The following VANGL1 variants were observed in gnomAD, a reference collection of about 807,000 sequenced individuals.
VANGL1 encodes vang-like protein 1.
A neutral mutation model predicts 48.4 loss-of-function variants in VANGL1; 18 were observed. The observed-to-expected ratio is 0.37, with a 90% CI of 0.26 to 0.55. The LOEUF is 0.55. Ranked by LOEUF, VANGL1 falls within the 20% of genes least tolerant of loss-of-function variation. VANGL1 has a pLI of 0.81. For synonymous variants in VANGL1, 257 were observed against 261.8 expected (o/e 0.98, Z 0.18); for missense variants, 667 against 675.8 (o/e 0.99, Z 0.14).
chr1:115,652,280 G>A (rs767323280), intron 2 of VANGL1, among the ~76,000 whole-genome samples: 20 of 152,192 alleles, frequency 1.3e-4, no homozygotes, highest in Non-Finnish European at 2.6e-4. Flanking sequence ...AAAATTAGCA[G>A]GTGTGCACTG....
At chr1:115,644,291 T>G (rs1380142234) in intron 1 of VANGL1, among the ~76,000 whole-genome samples, 3 of 152,226 alleles carry the variant, frequency 2.0e-5, no homozygotes, top group Non-Finnish European at 4.4e-5. Flanking sequence ...GTTATGCGGA[T>G]TAAGTGAGAT....
At chr1:115,643,940 C>T (rs1376820189) in intron 1 of VANGL1, among the ~76,000 whole-genome samples, 1 of 152,154 alleles carries the variant, frequency 6.6e-6, no homozygotes, top group Non-Finnish European at 1.5e-5. Flanking sequence ...AATTGGAGGT[C>T]TCCACATTGG....
chr1:115,677,506 A>T (rs549153146), intron 4 of VANGL1, among the ~76,000 whole-genome samples: 1 of 152,340 alleles, frequency 6.6e-6, no homozygotes, highest in East Asian at 1.9e-4. Context: ...CAGGAGTTCA[A>T]GTTTGGACCA....
intron 7 of VANGL1, among the ~76,000 whole-genome samples, chr1:115,687,703 C>CTG (rs1286240607): frequency 1.4e-5 from 1 of 69,716 alleles, no homozygotes; most frequent in Non-Finnish European, 2.8e-5. Context: ...CTCTCTCTTT[C>CTG]TCTGTGTGTG....
intron 3 of VANGL1, among the ~76,000 whole-genome samples, chr1:115,660,125 A>C (rs1338995694): frequency 1.3e-5 from 2 of 152,226 alleles, no homozygotes; most frequent in African/African-American, 4.8e-5. Context: ...AAGTTTAAAA[A>C]ACATGGGGCA....
Position 115,693,349 on chromosome 1 carries a change from C to A in VANGL1, c.*1970C>A, listed in dbSNP as rs746455152. 1 of 152,554 alleles carries A rather than the reference C, an allele frequency of 6.6e-6. No homozygotes were observed. Among genetic ancestry groups the A allele is most frequent in the Non-Finnish European group, 1.5e-5 (1 of 68,040 alleles). The allele number at this position is 152,554 out of a possible 1,614,324, so 9.5% of individuals were successfully genotyped here. The stretch of plus-strand genomic sequence containing the variant: ...GCTACGTCATGGATACAGTGCAGTT[C>A]CAAGTGCCATAAGTGTATGTACATA... On this transcript the variant is annotated 3_prime_UTR_variant, in exon 8 of 8. Transcript: ENST00000355485.
At chr1:115,652,968 G>C (rs1457116402) in intron 2 of VANGL1, among the ~76,000 whole-genome samples, 3 of 152,130 alleles carry the variant, frequency 2.0e-5, no homozygotes, top group African/African-American at 7.2e-5. Flanking sequence ...TATAGTATAA[G>C]GATAGGTTCT....
At position 115,685,281 on chromosome 1, in the gene VANGL1, A is replaced by C. The variant is rs773741389; in HGVS notation, c.1080-12A>C. The C allele has an allele frequency of 6.2e-7, 1 of 1,613,712 alleles. No individual in the cohort carries two copies. Among genetic ancestry groups the C allele is most frequent in the Non-Finnish European group, 8.5e-7 (1 of 1,179,836 alleles). On this transcript the variant is annotated splice_polypyrimidine_tract_variant and intron_variant, in intron 6 of 7. Coordinates refer to ENST00000355485, the MANE Select transcript of VANGL1 (RefSeq NM_138959.3). The stretch of plus-strand genomic sequence containing the variant: ...CACCATCCTGATTACTTAGTGTTGC[A>C]TCACCTTCTAGGCTGGTGGTTGCAG...
At chr1:115,666,438 C>G (rs994648436) in intron 4 of VANGL1, among the ~76,000 whole-genome samples, 5 of 152,142 alleles carry the variant, frequency 3.3e-5, no homozygotes, top group African/African-American at 1.2e-4. Context: ...TAGCAGCAGC[C>G]CTCGCCTCCC....
At chr1:115,663,539 A>C in intron 3 of VANGL1, 122 bp from the exon 4 acceptor site, 4 of 1,373,106 alleles carry the variant, frequency 2.9e-6, no homozygotes, top group Non-Finnish European at 4.0e-6. Context: ...TTAAGCTTTC[A>C]TTTTCTGGAA....
Position 115,698,147 on chromosome 1 carries a change from C to A in VANGL1, c.*6768C>A. 1 of 152,156 alleles carries A rather than the reference C, an allele frequency of 6.6e-6. No individual in the cohort carries two copies. Among genetic ancestry groups the A allele is most frequent in the Non-Finnish European group, 1.5e-5 (1 of 68,038 alleles). 9.4% of individuals were successfully genotyped at this position (152,156 alleles called of 1,614,324 possible). Reference sequence around the variant, plus strand: ...TCCTCCAGTATAATCCCCCCCTCATCCCAATTAACTGTAAAATGTTTTACA... The same window carrying A: ...TCCTCCAGTATAATCCCCCCCTCATACCAATTAACTGTAAAATGTTTTACA... On this transcript the variant is annotated 3_prime_UTR_variant, in exon 8 of 8. Transcript: ENST00000355485.
intron 4 of VANGL1, among the ~76,000 whole-genome samples, chr1:115,678,752 T>C (rs1277091080): frequency 1.3e-5 from 2 of 151,942 alleles, no homozygotes; most frequent in African/African-American, 4.8e-5. Context: ...GCTCAGGAGT[T>C]CAAGACCAGC....
At chr1:115,662,356 T>C (rs1451163795) in intron 3 of VANGL1, among the ~76,000 whole-genome samples, 1 of 152,242 alleles carries the variant, frequency 6.6e-6, no homozygotes, top group Non-Finnish European at 1.5e-5. Context: ...TGCATCTGAC[T>C]GTTTTCTTTC....
intron 1 of VANGL1, among the ~76,000 whole-genome samples, chr1:115,647,138 T>C (rs938731321): frequency 6.6e-6 from 1 of 152,252 alleles, no homozygotes; most frequent in African/African-American, 2.4e-5. Context: ...GTCTGCATTG[T>C]AATTTAAAAG....
At chr1:115,648,094 A>G (rs1001398207) in intron 1 of VANGL1, among the ~76,000 whole-genome samples, 5 of 152,204 alleles carry the variant, frequency 3.3e-5, no homozygotes, top group African/African-American at 1.2e-4. Context: ...AAGTAGTAAC[A>G]TAAGCGGCAT....
intron 4 of VANGL1, among the ~76,000 whole-genome samples, chr1:115,679,484 A>G (rs538673087): frequency 6.6e-6 from 1 of 152,232 alleles, no homozygotes; most frequent in Non-Finnish European, 1.5e-5. Flanking sequence ...GCCCATTTGG[A>G]GAGCATCTGC....
At chr1:115,664,764 A>G (rs1248241386) in intron 4 of VANGL1, among the ~76,000 whole-genome samples, 1 of 152,182 alleles carries the variant, frequency 6.6e-6, no homozygotes, top group East Asian at 1.9e-4. Flanking sequence ...TAAAGAATCA[A>G]GTGCAGGTTA....
At chr1:115,678,521 A>G (rs545333683) in intron 4 of VANGL1, among the ~76,000 whole-genome samples, 1 of 152,350 alleles carries the variant, frequency 6.6e-6, no homozygotes, top group African/African-American at 2.4e-5. Context: ...GAGTGGGGAT[A>G]GATGGCCTCC....
Position 115,663,767 on chromosome 1 carries a change from G to A in VANGL1, c.311G>A (p.Gly104Glu), listed in dbSNP as rs775157075. ...RISKDMEDSVGLDCKRYLGLT... is the reference protein window; with the variant it reads ...RISKDMEDSVELDCKRYLGLT... ...AGCAAGGACATGGAGGACAGCGTGG[G>A]GCTGGATTGCAAACGCTACCTGGGC... Residue 104 changes from glycine to glutamate, a missense_variant, in exon 4 of 8, where the codon GGG (glycine) becomes GAG (glutamate). Transcript: ENST00000355485. 5 of 1,614,074 alleles carry A rather than the reference G, an allele frequency of 3.1e-6. No individual in the cohort carries two copies. The highest frequency in any genetic ancestry group is 3.3e-5 in the Admixed American group (2 of 60,000).
Sources: allele counts gnomAD v4.1 joint callset (sites outside exome capture counted in the v4.1 genomes callset), GRCh38; gene constraint gnomAD v4.1.1; transcripts MANE v1.5; gene names NCBI Gene and HGNC (gene_info 2026-07-23, HGNC 2026-07-21).